GRIA2: variants seen among roughly 807,000 people sequenced by gnomAD.
GRIA2 encodes the protein glutamate ionotropic receptor AMPA type subunit 2, also known as glutamate receptor 2.
GRIA2 carries 14 observed loss-of-function variants against 97.3 expected under a neutral mutation model. The observed-to-expected ratio is 0.14, with a 90% CI of 0.10 to 0.23. The LOEUF (loss-of-function observed/expected upper bound fraction) is 0.23. Among genes scored for constraint, GRIA2 ranks in the 10% least tolerant of loss-of-function variants. The probability of loss-of-function intolerance (pLI) is 1.00; values close to 1 mark genes in which losing one functional copy is unlikely to be tolerated. For missense variants in GRIA2, 558 were observed against 1,069.8 expected, an observed-to-expected ratio of 0.52 and a Z score of 6.67; for synonymous variants, 412 against 387.8, an observed-to-expected ratio of 1.06 and a Z score of -0.73.
intron 2 of GRIA2, among the ~76,000 whole-genome samples, chr4:157,261,146 G>A (rs1282323143): frequency 2.0e-5 from 3 of 152,054 alleles, no homozygotes; most frequent in South Asian, 2.1e-4. Flanking sequence ...CCTCACAATC[G>A]TGGCAAAGGT....
intron 8 of GRIA2, 65 bp from the exon 9 acceptor site, chr4:157,333,944 TA>T: frequency 1.3e-6 from 1 of 779,690 alleles, no homozygotes; most frequent in Admixed American, 1.9e-5. Context: ...GCTTTGAAAA[TA>T]ATTAAATGCT....
At chr4:157,359,262 G>C (rs1044018238) in intron 12 of GRIA2, among the ~76,000 whole-genome samples, 2 of 151,884 alleles carry the variant, frequency 1.3e-5, no homozygotes, top group African/African-American at 4.8e-5. Context: ...TTTTTTTCCA[G>C]TATATCTTGA....
At position 157,326,444 on chromosome 4, in the gene GRIA2, C is replaced by A. The variant is rs576415578; in HGVS notation, c.882+4845C>A. Among the ~76,000 whole-genome samples the A allele has an allele frequency of 2.8e-4, 43 of 152,278 alleles. No homozygotes were observed. The South Asian group carries it at 8.7e-3, about 31-fold the overall frequency. On this transcript the variant is annotated intron_variant, in intron 6 of 15. Coordinates refer to ENST00000264426, the MANE Select transcript of GRIA2 (RefSeq NM_001083619.3). ...AAAAAATTCATTGATATAACTCAGG[C>A]TCCTAGAATAAATCCTCATACATAG...
chr4:157,316,817 C>T (rs1734342983), intron 4 of GRIA2, among the ~76,000 whole-genome samples: 1 of 152,176 alleles, frequency 6.6e-6, no homozygotes, highest in Non-Finnish European at 1.5e-5. Flanking sequence ...GTGATCATCT[C>T]CTTAAAAAAC....
chr4:157,231,935 G>T (rs1460674629), intron 2 of GRIA2, among the ~76,000 whole-genome samples: 1 of 152,056 alleles, frequency 6.6e-6, no homozygotes, highest in Non-Finnish European at 1.5e-5. Flanking sequence ...TGTCTTGGAA[G>T]AATATTTAAT....
At chr4:157,360,275 C>G (rs1312912547) in intron 13 of GRIA2, 132 bp downstream of exon 13, 1 of 832,786 alleles carries the variant, frequency 1.2e-6, no homozygotes, top group Non-Finnish European at 1.9e-6. Context: ...GACCAAAAAA[C>G]GTTTCTGAAT....
At chr4:157,335,628 A>G in intron 9 of GRIA2, 43 bp from the exon 10 acceptor site, 1 of 1,163,346 alleles carries the variant, frequency 8.6e-7, no homozygotes. Context: ...TACATAATTA[A>G]CACAGATATT....
At chr4:157,295,257 A>T (rs1006106521) in intron 2 of GRIA2, among the ~76,000 whole-genome samples, 2 of 152,164 alleles carry the variant, frequency 1.3e-5, no homozygotes, top group African/African-American at 4.8e-5. Flanking sequence ...AAAATGTATT[A>T]TTACAGCCTC....
rs567951501 is a variant in GRIA2 at position 157,309,815 on chromosome 4, G to T, written c.470-2864G>T. Among the ~76,000 whole-genome samples, 6 of 152,138 alleles carry T rather than the reference G, an allele frequency of 3.9e-5. No homozygotes were observed. In the South Asian group the frequency reaches 1.2e-3, roughly 32 times the overall value. ...ATTAAGAGCATTACCACTTGAAATT[G>T]TATTATATAGTATGCTTTATAATTA... On this transcript the variant is annotated intron_variant, in intron 3 of 15. Coordinates refer to ENST00000264426, the MANE Select transcript of GRIA2 (RefSeq NM_001083619.3).
At chr4:157,266,155 T>A (rs1197323467) in intron 2 of GRIA2, among the ~76,000 whole-genome samples, 1 of 152,106 alleles carries the variant, frequency 6.6e-6, no homozygotes, top group East Asian at 1.9e-4. Flanking sequence ...TTTAGAGCTA[T>A]TTATTGAACT....
At chr4:157,252,327 A>C (rs1487001459) in intron 2 of GRIA2, among the ~76,000 whole-genome samples, 1 of 152,162 alleles carries the variant, frequency 6.6e-6, no homozygotes, top group Non-Finnish European at 1.5e-5. Context: ...TTTTACTTGA[A>C]GGAATGACTG....
chr4:157,332,606 T>C (rs933276982), intron 6 of GRIA2, among the ~76,000 whole-genome samples: 8 of 151,936 alleles, frequency 5.3e-5, no homozygotes, highest in Non-Finnish European at 1.0e-4. Flanking sequence ...ATTAACATAA[T>C]AGAAAATGTT....
intron 2 of GRIA2, among the ~76,000 whole-genome samples, chr4:157,292,620 G>A (rs1032446794): frequency 7.9e-5 from 12 of 151,968 alleles, no homozygotes; most frequent in African/African-American, 2.9e-4. Flanking sequence ...AAGTACGTTA[G>A]AAATCAAAAC....
At chr4:157,323,766 T>C (rs568783560) in intron 6 of GRIA2, among the ~76,000 whole-genome samples, 2 of 152,320 alleles carry the variant, frequency 1.3e-5, no homozygotes, top group African/African-American at 4.8e-5. Flanking sequence ...TGTTTGGCAA[T>C]GCATTCTGTT....
intron 2 of GRIA2, among the ~76,000 whole-genome samples, chr4:157,247,292 A>G (rs1730773957): frequency 6.6e-6 from 1 of 152,184 alleles, no homozygotes; most frequent in Admixed American, 6.5e-5. Flanking sequence ...TTGAAGATGG[A>G]TTGCTGTATG....
At chr4:157,342,033 A>G (rs1579378164) in intron 12 of GRIA2, 1 of 635,450 alleles carries the variant, frequency 1.6e-6, no homozygotes, top group East Asian at 1.4e-4. Context: ...TTTTTCTTTT[A>G]ACTTTTGTTC....
intron 4 of GRIA2, among the ~76,000 whole-genome samples, chr4:157,316,036 C>T (rs974236631): frequency 2.0e-5 from 3 of 152,178 alleles, no homozygotes; most frequent in Non-Finnish European, 2.9e-5. Flanking sequence ...AGAGAATTTT[C>T]ATATCCTTCC....
At chr4:157,303,176 T>A (rs1339595909) in intron 2 of GRIA2, among the ~76,000 whole-genome samples, 1 of 152,172 alleles carries the variant, frequency 6.6e-6, no homozygotes, top group African/African-American at 2.4e-5. Context: ...GGAATTGGAT[T>A]ATGTAGGGAA....
chr4:157,332,505 G>A (rs1432856259), intron 6 of GRIA2, among the ~76,000 whole-genome samples: 2 of 148,382 alleles, frequency 1.3e-5, no homozygotes, highest in African/African-American at 2.5e-5. Flanking sequence ...TATAAAGTGA[G>A]GCTGTAACAA....
Sources: allele counts gnomAD v4.1 joint callset (sites outside exome capture counted in the v4.1 genomes callset), GRCh38; gene constraint gnomAD v4.1.1; transcripts MANE v1.5; gene names NCBI Gene and HGNC (gene_info 2026-07-23, HGNC 2026-07-21).